The following MAD1L1 variants were observed in gnomAD, a reference collection of about 807,000 sequenced individuals.
MAD1L1 encodes the protein mitotic arrest deficient 1 like 1, also known as mitotic spindle assembly checkpoint protein MAD1.
MAD1L1 carries 95 observed loss-of-function variants against 96.9 expected under a neutral mutation model. The ratio of observed to expected loss-of-function variants is 0.98; its 90% CI spans 0.83 to 1.16. The LOEUF is 1.16. Among genes scored for constraint, MAD1L1 ranks in the 50% most tolerant of loss-of-function variants. The pLI is 0.00. For synonymous variants in MAD1L1, 473 were observed against 396.6 expected (o/e 1.19, Z -2.29); for missense variants, 1,007 against 954.4 (o/e 1.06, Z -0.73).
chr7:1,973,290 T>C (rs1181672758), intron 15 of MAD1L1, among the ~76,000 whole-genome samples: 1 of 152,204 alleles, frequency 6.6e-6, no homozygotes, highest in African/African-American at 2.4e-5. Context: ...CTAACTGTTA[T>C]TTGGCTTGTG....
At chr7:2,173,308 C>T (rs934051403) in intron 10 of MAD1L1, among the ~76,000 whole-genome samples, 7 of 152,196 alleles carry the variant, frequency 4.6e-5, no homozygotes, top group Admixed American at 4.6e-4. Context: ...CACCCCTCTG[C>T]CGCCCCGCAG....
At position 2,142,398 on chromosome 7, in the gene MAD1L1, C is replaced by T. The variant is rs1275791556; in HGVS notation, c.1073+6754G>A. Among the ~76,000 whole-genome samples, 1 of 152,222 alleles carries T rather than the reference C, an allele frequency of 6.6e-6. No homozygotes were observed. Among genetic ancestry groups the T allele is most frequent in the East Asian group, 1.9e-4 (1 of 5,192 alleles). On this transcript the variant is annotated intron_variant, in intron 11 of 18. Transcript: ENST00000265854. This position sits in a 1 kb window ranked among gnomAD's most constrained non-coding sequence, Gnocchi z 4.7. ...CTATGGCGCAGGTGCACTGTGCGTCCCAGGCATGGTCCGGGGCTGCGGGAG... is the reference window on the plus strand; with the variant it reads ...CTATGGCGCAGGTGCACTGTGCGTCTCAGGCATGGTCCGGGGCTGCGGGAG...
At chr7:2,141,986 C>A (rs971036142) in intron 11 of MAD1L1, among the ~76,000 whole-genome samples, 1 of 152,242 alleles carries the variant, frequency 6.6e-6, no homozygotes, top group Non-Finnish European at 1.5e-5. Flanking sequence ...AGGTGGACCG[C>A]ACAGCCGTGA....
intron 11 of MAD1L1, among the ~76,000 whole-genome samples, chr7:2,141,306 G>A (rs1023750704): frequency 3.3e-5 from 5 of 152,244 alleles, no homozygotes; most frequent in African/African-American, 9.6e-5. Context: ...CATGACACCC[G>A]ACCATGCCTG....
intron 17 of MAD1L1, among the ~76,000 whole-genome samples, chr7:1,905,640 G>A (rs1286071716): frequency 6.6e-6 from 1 of 152,262 alleles, no homozygotes; most frequent in Non-Finnish European, 1.5e-5. Context: ...GATTGGTGAA[G>A]CACTGTTCCA....
intron 18 of MAD1L1, among the ~76,000 whole-genome samples, chr7:1,873,879 CGA>C (rs1355538324): frequency 6.6e-6 from 1 of 152,156 alleles, no homozygotes; most frequent in Non-Finnish European, 1.5e-5. Context: ...CGTGGCTGAA[CGA>C]GAATGGATGC....
intron 18 of MAD1L1, among the ~76,000 whole-genome samples, chr7:1,888,005 G>A (rs1786241683): frequency 1.2e-5 from 1 of 82,626 alleles, no homozygotes; most frequent in Admixed American, 1.5e-4. Flanking sequence ...GTATATGGCT[G>A]CCTGTACGTG....
At chr7:1,901,060 T>C (rs1787211352) in intron 17 of MAD1L1, among the ~76,000 whole-genome samples, 1 of 151,970 alleles carries the variant, frequency 6.6e-6, no homozygotes, top group African/African-American at 2.4e-5. Context: ...CCATCCTCCA[T>C]GCCACACAGA....
chr7:2,048,499 C>A (rs971589582), intron 12 of MAD1L1, among the ~76,000 whole-genome samples: 1 of 152,220 alleles, frequency 6.6e-6, no homozygotes, highest in Non-Finnish European at 1.5e-5. Context: ...CCACTCACTG[C>A]AGGTCCCATG....
chr7:2,115,575 G>C (rs1169567257), intron 11 of MAD1L1, among the ~76,000 whole-genome samples: 1 of 149,148 alleles, frequency 6.7e-6, no homozygotes, highest in Non-Finnish European at 1.5e-5. Context: ...CGTGTGTTCC[G>C]GGATCAGAGG....
At chr7:1,884,917 T>C (rs1412768126) in intron 18 of MAD1L1, among the ~76,000 whole-genome samples, 1 of 152,186 alleles carries the variant, frequency 6.6e-6, no homozygotes, top group Admixed American at 6.5e-5. Flanking sequence ...GGGGACACAG[T>C]GTGGTGGTGC....
chr7:1,874,490 T>C, intron 18 of MAD1L1: 1 of 454,234 alleles, frequency 2.2e-6, no homozygotes, highest in Non-Finnish European at 4.4e-6. Context: ...GGGCTGACCT[T>C]TTGATCTTGA....
chr7:2,056,337 C>A (rs1161944614), intron 12 of MAD1L1, among the ~76,000 whole-genome samples: 2 of 152,170 alleles, frequency 1.3e-5, no homozygotes, highest in African/African-American at 4.8e-5. Context: ...GCAGAAGAGA[C>A]GGCGATCAGA....
At chr7:2,052,108 C>G (rs977026047) in intron 12 of MAD1L1, among the ~76,000 whole-genome samples, 1 of 152,178 alleles carries the variant, frequency 6.6e-6, no homozygotes, top group African/African-American at 2.4e-5. Flanking sequence ...AAGACCCACG[C>G]TCCGCACACA....
intron 4 of MAD1L1, 31 bp downstream of exon 4, chr7:2,225,379 C>A (rs1267833087): frequency 6.2e-7 from 1 of 1,610,174 alleles, no homozygotes; most frequent in Non-Finnish European, 8.5e-7. Flanking sequence ...CTGGGGCTGT[C>A]TGGGCCGACC....
rs114758183 is a variant in MAD1L1 at position 2,166,990 on chromosome 7, C to T, written c.987-17752G>A. 3.3e-3 allele frequency among the ~76,000 whole-genome samples: 499 copies of T among 152,330 alleles called. 5 individuals are homozygous for T. The highest frequency in any genetic ancestry group is 0.011 in the African/African-American group (457 of 41,570). ...CGGAATCTGCCTAACTGGTGGAATC[C>T]CCTTTTACAAAGAAGTGCCTGTAGC... On this transcript the variant is annotated intron_variant, in intron 10 of 18. Coordinates refer to ENST00000265854, the MANE Select transcript of MAD1L1 (RefSeq NM_001013836.2).
At chr7:1,950,789 T>C (rs1779458623) in intron 16 of MAD1L1, among the ~76,000 whole-genome samples, 1 of 152,078 alleles carries the variant, frequency 6.6e-6, no homozygotes, top group Non-Finnish European at 1.5e-5. Context: ...CGTGGGCAAG[T>C]GGGGGATGAG....
intron 18 of MAD1L1, chr7:1,844,071 CCAG>C (rs1459568708): frequency 1.9e-5 from 3 of 154,530 alleles, no homozygotes; most frequent in Non-Finnish European, 4.4e-5. Flanking sequence ...TTCACTACCA[CCAG>C]AAGGCAACTA....
At chr7:2,192,988 A>G (rs1791800832) in intron 10 of MAD1L1, among the ~76,000 whole-genome samples, 1 of 152,246 alleles carries the variant, frequency 6.6e-6, no homozygotes, top group Non-Finnish European at 1.5e-5. Flanking sequence ...AATAAAATTA[A>G]TTTGGCAAGG....
Sources: allele counts gnomAD v4.1 joint callset (sites outside exome capture counted in the v4.1 genomes callset), GRCh38; gene constraint gnomAD v4.1.1; non-coding constraint Gnocchi (gnomAD v3.1); transcripts MANE v1.5; gene names NCBI Gene and HGNC (gene_info 2026-07-23, HGNC 2026-07-21).